The following CEMIP2 variants were observed in gnomAD, a reference collection of about 807,000 sequenced individuals.
The protein encoded by CEMIP2 is cell surface hyaluronidase CEMIP2.
In CEMIP2, 79 loss-of-function variants were observed where a neutral mutation model predicts 146.9. That is an observed-to-expected ratio of 0.54 (90% confidence interval 0.45 to 0.65). The LOEUF is 0.65. CEMIP2 is among the 30% of genes least tolerant of loss of function. The pLI is 0.00. For missense variants in CEMIP2, 1,596 were observed against 1,696.2 expected (o/e 0.94, Z 1.04); for synonymous variants, 601 against 606.3 (o/e 0.99, Z 0.13).
chr9:71,687,866 T>A (rs1339261737), intron 22 of CEMIP2, among the ~76,000 whole-genome samples: 1 of 151,990 alleles, frequency 6.6e-6, no homozygotes, highest in African/African-American at 2.4e-5. Context: ...TTTTCTTTTG[T>A]TTTTTTAGAG....
intron 14 of CEMIP2, among the ~76,000 whole-genome samples, chr9:71,716,019 T>C (rs920203413): frequency 1.3e-5 from 2 of 152,080 alleles, no homozygotes; most frequent in Non-Finnish European, 2.9e-5. Flanking sequence ...GCAATAACAC[T>C]GAGAATGAGG....
chr9:71,764,713 T>C (rs1389865581), intron 1 of CEMIP2, among the ~76,000 whole-genome samples: 1 of 152,146 alleles, frequency 6.6e-6, no homozygotes, highest in Non-Finnish European at 1.5e-5. Context: ...TCAAAGGCAA[T>C]TTATTAAAAT....
At chr9:71,760,692 A>C (rs1422975636) in intron 1 of CEMIP2, among the ~76,000 whole-genome samples, 1 of 150,838 alleles carries the variant, frequency 6.6e-6, no homozygotes, top group East Asian at 1.9e-4. Context: ...AGCGGGGAGG[A>C]AGGGTAGCAA....
At position 71,745,495 on chromosome 9, in the gene CEMIP2, G is replaced by T. The variant is rs778331613; in HGVS notation, c.557C>A (p.Ala186Glu). ...THYILIQDGGALHIGAEKCRY... is the reference protein window; with the variant it reads ...THYILIQDGGELHIGAEKCRY... ...GCATTTTTCTGCTCCAATATGAAGCGCCCCACCATCCTGGATCAGGATGTA... is the reference window on the plus strand; with the variant it reads ...GCATTTTTCTGCTCCAATATGAAGCTCCCCACCATCCTGGATCAGGATGTA... The change falls in exon 4 of 24, where the codon GCG becomes GAG. Residue 186 changes from alanine (A) to glutamate (E), a missense_variant. Coordinates refer to ENST00000377044, the MANE Select transcript of CEMIP2 (RefSeq NM_013390.3). 1 of 1,613,260 alleles carries T rather than the reference G, an allele frequency of 6.2e-7. No homozygotes were observed. The highest frequency in any genetic ancestry group is 8.5e-7 in the Non-Finnish European group (1 of 1,179,702).
Position 71,686,162 on chromosome 9 carries a change from G to A in CEMIP2, c.3852-316C>T, listed in dbSNP as rs543335454. ...GATTAGGAACCAAGTTGCACAGCAG[G>A]AGGTGAGCAGGCGAGCGAAGCTTCA... On this transcript the variant is annotated intron_variant, in intron 22 of 23. Transcript: ENST00000377044. The A allele has an allele frequency of 1.9e-4, 48 of 250,786 alleles. No individual in the cohort carries two copies. The South Asian group carries it at 3.3e-3, about 17-fold the overall frequency. The allele number at this position is 250,786 out of a possible 1,614,324, so 15.5% of individuals were successfully genotyped here.
intron 17 of CEMIP2, 107 bp from the exon 18 acceptor site, chr9:71,704,910 T>A: frequency 9.4e-7 from 1 of 1,061,704 alleles, no homozygotes; most frequent in Non-Finnish European, 1.4e-6. Flanking sequence ...AGGGAGATTC[T>A]GTGATCTGTG....
intron 12 of CEMIP2, among the ~76,000 whole-genome samples, chr9:71,721,137 T>G (rs1264044649): frequency 6.6e-6 from 1 of 152,036 alleles, no homozygotes; most frequent in East Asian, 1.9e-4. Flanking sequence ...GAGAACCAAT[T>G]GTGTTTATGG....
chr9:71,740,951 T>G (rs375380557), intron 4 of CEMIP2, among the ~76,000 whole-genome samples: 2 of 151,894 alleles, frequency 1.3e-5, no homozygotes, highest in African/African-American at 4.9e-5. Context: ...ACCAGAGAAT[T>G]TGTATTTCTA....
intron 4 of CEMIP2, among the ~76,000 whole-genome samples, chr9:71,743,266 G>A (rs896945209): frequency 4.6e-5 from 7 of 152,198 alleles, no homozygotes; most frequent in African/African-American, 1.4e-4. Context: ...GGGGAAGAGA[G>A]TGATTAATGC....
At chr9:71,716,320 C>G (rs1184371423) in intron 14 of CEMIP2, among the ~76,000 whole-genome samples, 197 bp downstream of exon 14, 1 of 150,012 alleles carries the variant, frequency 6.7e-6, no homozygotes, top group African/African-American at 2.5e-5. Flanking sequence ...CTATATTAAC[C>G]TAGTACTTTG....
intron 19 of CEMIP2, chr9:71,699,330 C>A: frequency 5.6e-6 from 2 of 356,434 alleles, no homozygotes; most frequent in Non-Finnish European, 5.7e-6. Flanking sequence ...GTGGTGGCAG[C>A]AGCTACTTGT....
chr9:71,735,308 A>T (rs1823732748), intron 5 of CEMIP2, among the ~76,000 whole-genome samples: 1 of 152,048 alleles, frequency 6.6e-6, no homozygotes, highest in Non-Finnish European at 1.5e-5. Flanking sequence ...CTCTTGCTAT[A>T]TTTAACTCAG....
rs771193283 is a variant in CEMIP2 at position 71,684,504 on chromosome 9, G to A, written c.*693C>T. The A allele has an allele frequency of 6.6e-6, 1 of 152,590 alleles. No individual in the cohort carries two copies. The highest frequency in any genetic ancestry group is 1.5e-5 in the Non-Finnish European group (1 of 68,026). 9.5% of individuals were successfully genotyped at this position (152,590 alleles called of 1,614,324 possible). A position where few individuals can be genotyped will look rare whatever the true frequency, so the allele number is the denominator to read the frequency against. ...ATGGTCCCAACAGCCTCAGACTTTT[G>A]CTGCAGGAAAATTTTTTGCCCAATG... is the stretch of plus-strand genomic sequence containing the variant. On this transcript the variant is annotated 3_prime_UTR_variant, in exon 24 of 24. Transcript: ENST00000377044.
At position 71,742,839 on chromosome 9, in the gene CEMIP2, G is replaced by C. The variant is rs1174226914; in HGVS notation, c.1034+2179C>G. Reference sequence around the variant, plus strand: ...AAGGAACATTTAAGGAAGCAATTTTGTAACAGGTCCAAACTGGAAAGCCAC... The same window carrying C: ...AAGGAACATTTAAGGAAGCAATTTTCTAACAGGTCCAAACTGGAAAGCCAC... On this transcript the variant is annotated intron_variant, in intron 4 of 23. Transcript: ENST00000377044. Among the ~76,000 whole-genome samples the C allele has an allele frequency of 3.3e-5, 5 of 152,192 alleles. No individual in the cohort carries two copies. The East Asian group carries it at 9.6e-4, about 29-fold the overall frequency.
At chr9:71,735,042 A>AT (rs759657839) in intron 5 of CEMIP2, 48 bp from the exon 6 acceptor site, 8 of 1,540,348 alleles carry the variant, frequency 5.2e-6, no homozygotes, top group South Asian at 5.0e-5. Context: ...CATTAACAGT[A>AT]TTTTTTTCTC....
At chr9:71,713,158 A>T (rs954979297) in intron 15 of CEMIP2, among the ~76,000 whole-genome samples, 4 of 152,208 alleles carry the variant, frequency 2.6e-5, no homozygotes, top group African/African-American at 7.2e-5. Context: ...CACATCTTGT[A>T]GCTCCCATAA....
At position 71,734,797 on chromosome 9, in the gene CEMIP2, G is replaced by C; in HGVS notation, c.1393+9C>G. The C allele has an allele frequency of 6.2e-7, 1 of 1,601,442 alleles. No homozygotes were observed. Among genetic ancestry groups the C allele is most frequent in the Non-Finnish European group, 8.5e-7 (1 of 1,172,764 alleles). ...TGTTTCCCAAGAAGTACTCTAAGCA[G>C]TTTAATACCTTTGACTTTGACCTGA... On this transcript the variant is annotated intron_variant, in intron 6 of 23. Coordinates refer to ENST00000377044, the MANE Select transcript of CEMIP2 (RefSeq NM_013390.3).
At position 71,741,185 on chromosome 9, in the gene CEMIP2, ATTTTTTTTTTTT is replaced by A. The variant is rs79872255; in HGVS notation, c.1035-965_1035-954del. 1.8e-4 allele frequency among the ~76,000 whole-genome samples: 13 copies of A among 72,242 alleles called. 1 individual carries two copies. The highest frequency in any genetic ancestry group is 6.3e-4 in the African/African-American group (10 of 15,932). 47.4% of individuals were successfully genotyped at this position (72,242 alleles called of 152,430 possible). A position where few individuals can be genotyped will look rare whatever the true frequency, so the allele number is the denominator to read the frequency against. On this transcript the variant is annotated intron_variant, in intron 4 of 23. Coordinates refer to ENST00000377044, the MANE Select transcript of CEMIP2 (RefSeq NM_013390.3). ...CAGGCAAGGTTGAGAACTGAGTTAG[ATTTTTTTTTTTT>A]TTTTTTTTTTTTTTTTGAGATGGAG...
At chr9:71,708,030 CA>C (rs1234108443) in intron 17 of CEMIP2, among the ~76,000 whole-genome samples, 1 of 152,050 alleles carries the variant, frequency 6.6e-6, no homozygotes, top group East Asian at 1.9e-4. Flanking sequence ...ATTAAAAATA[CA>C]AAAAAACTAG....
Sources: gnomAD v4.1 joint callset for allele counts (sites outside exome capture counted in the v4.1 genomes callset) on GRCh38, gnomAD v4.1.1 for gene constraint, MANE v1.5 for transcripts, NCBI Gene and HGNC (gene_info 2026-07-23, HGNC 2026-07-21) for gene names.